Variants in SPTB observed in about 807,000 individuals in gnomAD.
SPTB encodes spectrin beta chain, erythrocytic.
A neutral mutation model predicts 256.2 loss-of-function variants in SPTB; 45 were observed. The observed-to-expected ratio is 0.18, with a 90% CI of 0.14 to 0.23. The LOEUF is 0.23. Ranked by LOEUF, SPTB falls within the 10% of genes least tolerant of loss-of-function variation. The pLI, the probability that SPTB is intolerant of heterozygous loss-of-function variation, is 1.00. For synonymous variants in SPTB, 1,231 were observed against 1,243.1 expected, an observed-to-expected ratio of 0.99 and a Z score of 0.21; for missense variants, 2,715 against 3,040.4, an observed-to-expected ratio of 0.89 and a Z score of 2.52.
intron 1 of SPTB, among the ~76,000 whole-genome samples, chr14:64,856,680 C>T (rs753876881): frequency 5.3e-5 from 8 of 152,238 alleles, no homozygotes; most frequent in Admixed American, 2.6e-4. Flanking sequence ...CCAGGCAGAA[C>T]GTACCCTCCC....
intron 32 of SPTB, among the ~76,000 whole-genome samples, chr14:64,763,296 G>A (rs752253227): frequency 9.9e-5 from 15 of 152,224 alleles, no homozygotes; most frequent in Non-Finnish European, 2.1e-4. Context: ...CCACTGCCGA[G>A]GGCTCCCTCG....
At position 64,841,436 on chromosome 14, in the gene SPTB, C is replaced by A. The variant is rs2083605595; in HGVS notation, c.-51-18291G>T. Among the ~76,000 whole-genome samples the A allele has an allele frequency of 6.6e-6, 1 of 152,162 alleles. No individual in the cohort carries two copies. On this transcript the variant is annotated intron_variant, in intron 1 of 35. Transcript: ENST00000644917. The surrounding 1 kb of genome is among the most constrained non-coding windows in gnomAD (Gnocchi z 4.6). ...ACGAATTCTTCCACATCTAGCTCAA[C>A]ACCAGGCAACAAGAGCATCAAGAAA...
Position 64,749,186 on chromosome 14 carries a change from G to A in SPTB, c.*120C>T, listed in dbSNP as rs962678299. On this transcript the variant is annotated 3_prime_UTR_variant, in exon 36 of 36. Transcript: ENST00000644917. The surrounding 1 kb of genome is among the most constrained non-coding windows in gnomAD (Gnocchi z 4.7). Reference sequence around the variant, plus strand: ...TTGCAGTGCAGCGTGGGGCCCGGGGGCCCGGCCCGCGACTCGACTCATCTC... The same window carrying A: ...TTGCAGTGCAGCGTGGGGCCCGGGGACCCGGCCCGCGACTCGACTCATCTC... The A allele has an allele frequency of 8.7e-6, 11 of 1,258,830 alleles. No homozygotes were observed. The highest frequency in any genetic ancestry group is 2.5e-4 in the Middle Eastern group (1 of 3,994). 78.0% of individuals were successfully genotyped at this position (1,258,830 alleles called of 1,614,324 possible).
At position 64,766,710 on chromosome 14, in the gene SPTB, G is replaced by A. The variant is rs773831998; in HGVS notation, c.6345+16C>T. 2 of 1,613,616 alleles carry A rather than the reference G, an allele frequency of 1.2e-6. No homozygotes were observed. Among genetic ancestry groups the A allele is most frequent in the African/African-American group, 1.3e-5 (1 of 74,952 alleles). On this transcript the variant is annotated intron_variant, in intron 32 of 35. Coordinates refer to ENST00000644917, the MANE Select transcript of SPTB (RefSeq NM_001355436.2). ...AGTGACTCCCAGGAACTAGACAAAC[G>A]AGACCAGAGACTGACCGGGGACGTT...
At position 64,759,009 on chromosome 14, in the gene SPTB, A is replaced by G. The variant is rs1379512870; in HGVS notation, c.6346-5216T>C. Among the ~76,000 whole-genome samples the G allele has an allele frequency of 6.6e-6, 1 of 152,128 alleles. No individual in the cohort carries two copies. Among genetic ancestry groups the G allele is most frequent in the African/African-American group, 2.4e-5 (1 of 41,414 alleles). On this transcript the variant is annotated intron_variant, in intron 32 of 35. Coordinates refer to ENST00000644917, the MANE Select transcript of SPTB (RefSeq NM_001355436.2). This position sits in a 1 kb window ranked among gnomAD's most constrained non-coding sequence, Gnocchi z 4.8. ...GGGTAGATGAAGCTGATGTGAGAAA[A>G]GAGATTCTCAGAATTCTAGAGCTGG...
chr14:64,832,804 T>C (rs2083468539), intron 1 of SPTB, among the ~76,000 whole-genome samples: 1 of 152,146 alleles, frequency 6.6e-6, no homozygotes, highest in Admixed American at 6.5e-5. Flanking sequence ...CCAATCTCTG[T>C]TCTTCTCTAT....
Position 64,866,896 on chromosome 14 carries a change from C to T in SPTB, c.-52+12896G>A, listed in dbSNP as rs1385139071. Among the ~76,000 whole-genome samples the T allele has an allele frequency of 6.6e-6, 1 of 152,044 alleles. No homozygotes were observed. Among genetic ancestry groups the T allele is most frequent in the Admixed American group, 6.6e-5 (1 of 15,266 alleles). ...TTTTTTTCTGAAGTGCTTTTCTTAA[C>T]TCTTTATTGTTATGAAACAAATCTT... On this transcript the variant is annotated intron_variant, in intron 1 of 35. Coordinates refer to ENST00000644917, the MANE Select transcript of SPTB (RefSeq NM_001355436.2). The surrounding 1 kb of genome is among the most constrained non-coding windows in gnomAD (Gnocchi z 4.6).
In SPTB at chr14:64,775,025, T is replaced by C. The variant is rs375530039; in HGVS notation, c.4842+100A>G. Reference sequence around the variant, plus strand: ...CCTTGTGCCCCTCCCCTGGCCTCACTCCTCACACAGTTGGACTCACAAGGC... The same window carrying C: ...CCTTGTGCCCCTCCCCTGGCCTCACCCCTCACACAGTTGGACTCACAAGGC... On this transcript the variant is annotated intron_variant, in intron 23 of 35. Transcript: ENST00000644917. The surrounding 1 kb of genome is among the most constrained non-coding windows in gnomAD (Gnocchi z 5.0). The C allele has an allele frequency of 1.6e-4, 250 of 1,560,644 alleles. 1 individual carries two copies. In the African/African-American group the frequency reaches 2.6e-3, roughly 16 times the overall value.
chr14:64,828,497 C>T (rs12435626), intron 1 of SPTB, among the ~76,000 whole-genome samples: 13,108 of 152,216 alleles, frequency 0.086, 598 homozygotes, highest in African/African-American at 0.11. Context: ...AGAGATGATA[C>T]TCATATACAT....
intron 1 of SPTB, among the ~76,000 whole-genome samples, chr14:64,829,580 A>G (rs1594821848): frequency 6.6e-6 from 1 of 152,218 alleles, no homozygotes; most frequent in African/African-American, 2.4e-5. Flanking sequence ...GTAGTGGGGG[A>G]CAAGACATGA....
intron 1 of SPTB, among the ~76,000 whole-genome samples, chr14:64,846,855 C>G (rs2083701255): frequency 6.6e-6 from 1 of 152,200 alleles, no homozygotes; most frequent in African/African-American, 2.4e-5. Flanking sequence ...AGATTCCAAT[C>G]TGCTCTACAG....
At chr14:64,856,586 AGAT>A (rs2083877214) in intron 1 of SPTB, among the ~76,000 whole-genome samples, 1 of 152,222 alleles carries the variant, frequency 6.6e-6, no homozygotes, top group African/African-American at 2.4e-5. Context: ...GAAAAGGAAG[AGAT>A]GATACTACCC....
intron 1 of SPTB, among the ~76,000 whole-genome samples, chr14:64,857,803 T>C (rs1363300202): frequency 6.6e-6 from 1 of 152,176 alleles, no homozygotes; most frequent in African/African-American, 2.4e-5. Context: ...TGTAAATCAT[T>C]ATGGGATCCA....
intron 25 of SPTB, 113 bp from the exon 26 acceptor site, chr14:64,773,067 T>C: frequency 6.4e-7 from 1 of 1,557,450 alleles, no homozygotes; most frequent in South Asian, 1.1e-5. Flanking sequence ...AGCTGCGCTG[T>C]CACACCTTCC....
At chr14:64,865,512 T>C (rs1476784182) in intron 1 of SPTB, among the ~76,000 whole-genome samples, 1 of 152,150 alleles carries the variant, frequency 6.6e-6, no homozygotes, top group Admixed American at 6.5e-5. Context: ...TGCGTTTCAC[T>C]GCAGTCATTT....
At chr14:64,781,717 A>G (rs2082475081) in intron 20 of SPTB, among the ~76,000 whole-genome samples, 1 of 152,252 alleles carries the variant, frequency 6.6e-6, no homozygotes, top group Non-Finnish European at 1.5e-5. Flanking sequence ...ATTACTGGGT[A>G]TACCCAGAGG....
rs2083809912 is a variant in SPTB, at chr14:64,852,917, A to C, written c.-52+26875T>G. Reference sequence around the variant, plus strand: ...AGACAAATAGCCAGTGAATTATTACAAATAATTATAATTTACACATTGCAG... The same window carrying C: ...AGACAAATAGCCAGTGAATTATTACCAATAATTATAATTTACACATTGCAG... On this transcript the variant is annotated intron_variant, in intron 1 of 35. Coordinates refer to ENST00000644917, the MANE Select transcript of SPTB (RefSeq NM_001355436.2). The surrounding 1 kb of genome is among the most constrained non-coding windows in gnomAD (Gnocchi z 4.2). Among the ~76,000 whole-genome samples, 1 of 152,214 alleles carries C rather than the reference A, an allele frequency of 6.6e-6. No homozygotes were observed.
At chr14:64,817,325 C>T (rs552637397) in intron 2 of SPTB, among the ~76,000 whole-genome samples, 1 of 152,202 alleles carries the variant, frequency 6.6e-6, no homozygotes, top group Non-Finnish European at 1.5e-5. Flanking sequence ...AGCTGCTGAT[C>T]CAATTTTTTT....
rs2083327964 is a variant in SPTB at position 64,823,384 on chromosome 14, G to A, written c.-51-239C>T. Among the ~76,000 whole-genome samples the A allele has an allele frequency of 1.3e-5, 2 of 152,172 alleles. No individual in the cohort carries two copies. Among genetic ancestry groups the A allele is most frequent in the Admixed American group, 1.3e-4 (2 of 15,284 alleles). On this transcript the variant is annotated intron_variant, in intron 1 of 35. Coordinates refer to ENST00000644917, the MANE Select transcript of SPTB (RefSeq NM_001355436.2). This position sits in a 1 kb window ranked among gnomAD's most constrained non-coding sequence, Gnocchi z 6.5. ...GGGATGGAGAGCTGCACGTAGCAAG[G>A]GTCAGGACGGCCAGCAGGTGGAGAC...
Sources: gnomAD v4.1 joint callset for allele counts (sites outside exome capture counted in the v4.1 genomes callset) on GRCh38, gnomAD v4.1.1 for gene constraint, Gnocchi (gnomAD v3.1) non-coding constraint, MANE v1.5 for transcripts, NCBI Gene and HGNC (gene_info 2026-07-23, HGNC 2026-07-21) for gene names.